ATP10B: variants seen among roughly 807,000 people sequenced by gnomAD.
ATP10B encodes phospholipid-transporting ATPase VB.
In ATP10B, 122 loss-of-function variants were observed where a neutral mutation model predicts 141.2. That is an observed-to-expected ratio of 0.86 (90% CI 0.75 to 1.00). The LOEUF (loss-of-function observed/expected upper bound fraction) is 1.00, where lower values mean the gene tolerates loss of function less well. ATP10B is among the 50% of genes least tolerant of loss of function. The pLI is 0.00. For missense variants in ATP10B, 1,876 were observed against 1,825.3 expected, an observed-to-expected ratio of 1.03 and a Z score of -0.51; for synonymous variants, 685 against 692.0, an observed-to-expected ratio of 0.99 and a Z score of 0.16.
chr5:160,894,858 T>C, the ATP10B span, among the ~76,000 whole-genome samples: 1 of 152,216 alleles, frequency 6.6e-6, no homozygotes. Flanking sequence ...TGGATCTCTC[T>C]GCAGAAAAAC....
chr5:160,860,035 A>G, the ATP10B span, among the ~76,000 whole-genome samples: 1 of 151,890 alleles, frequency 6.6e-6, no homozygotes, highest in Non-Finnish European at 1.5e-5. Flanking sequence ...ATTTCTAAAA[A>G]ATATAAAACA....
chr5:160,741,436 G>A (rs976784759), intron 2 of ATP10B, among the ~76,000 whole-genome samples: 5 of 152,102 alleles, frequency 3.3e-5, no homozygotes, highest in Admixed American at 6.6e-5. Context: ...AGTGACTTGC[G>A]TCCTAATCTT....
intron 1 of ATP10B, among the ~76,000 whole-genome samples, chr5:160,791,190 A>G (rs748157634): frequency 6.6e-6 from 1 of 152,186 alleles, no homozygotes; most frequent in Non-Finnish European, 1.5e-5. Context: ...AACTTTGCCA[A>G]CATCTTGATT....
the ATP10B span, among the ~76,000 whole-genome samples, chr5:160,914,730 G>A: frequency 6.6e-5 from 10 of 152,298 alleles, no homozygotes; most frequent in East Asian, 5.8e-4. Context: ...TACTAACTAC[G>A]CACCTGTTCA....
At chr5:160,770,204 C>T (rs1296172164) in intron 2 of ATP10B, among the ~76,000 whole-genome samples, 1 of 152,062 alleles carries the variant, frequency 6.6e-6, no homozygotes, top group Non-Finnish European at 1.5e-5. Flanking sequence ...TCTCTTCTCT[C>T]TCTCTCTGCC....
chr5:160,690,192 T>C (rs1399037966), intron 3 of ATP10B, among the ~76,000 whole-genome samples: 2 of 152,152 alleles, frequency 1.3e-5, no homozygotes, highest in African/African-American at 2.4e-5. Context: ...TTACACATTA[T>C]ACAAAAATTA....
At chr5:160,636,899 T>C (rs1759421964) in intron 10 of ATP10B, among the ~76,000 whole-genome samples, 5 of 150,784 alleles carry the variant, frequency 3.3e-5, no homozygotes, top group Admixed American at 3.3e-4. Context: ...CATCCTTCCA[T>C]TCATCCATTT....
intron 3 of ATP10B, among the ~76,000 whole-genome samples, chr5:160,704,465 C>T (rs902853529): frequency 4.6e-5 from 7 of 152,152 alleles, no homozygotes; most frequent in Non-Finnish European, 1.0e-4. Context: ...ATGTGCTATC[C>T]TCTAGGCTTT....
At chr5:160,778,820 G>A (rs1460105159) in intron 2 of ATP10B, among the ~76,000 whole-genome samples, 2 of 152,182 alleles carry the variant, frequency 1.3e-5, no homozygotes, top group East Asian at 1.9e-4. Flanking sequence ...AAGGCACAGT[G>A]GCAATAACAC....
At chr5:160,577,792 A>G (rs1046699776) in intron 24 of ATP10B, among the ~76,000 whole-genome samples, 1 of 151,346 alleles carries the variant, frequency 6.6e-6, no homozygotes, top group African/African-American at 2.4e-5. Context: ...GAGAACATAA[A>G]CTTTATGATT....
intron 1 of ATP10B, among the ~76,000 whole-genome samples, chr5:160,840,150 C>A (rs2127985743): frequency 6.6e-6 from 1 of 152,088 alleles, no homozygotes; most frequent in East Asian, 1.9e-4. Flanking sequence ...ATGAAAATCT[C>A]ATTTTTCATT....
chr5:160,898,309 AC>A, the ATP10B span, among the ~76,000 whole-genome samples: 2 of 152,356 alleles, frequency 1.3e-5, no homozygotes, highest in East Asian at 1.9e-4. Flanking sequence ...CAAGAAAAAA[AC>A]AACCCCCTCA....
intron 7 of ATP10B, among the ~76,000 whole-genome samples, chr5:160,660,956 G>T (rs967722119): frequency 6.6e-6 from 1 of 152,224 alleles, no homozygotes; most frequent in Non-Finnish European, 1.5e-5. Flanking sequence ...GGAGGCTGAG[G>T]TGGGCGGATC....
rs375324038 is a variant in ATP10B, at chr5:160,618,029, A to G, written c.2417-56T>C. On this transcript the variant is annotated intron_variant, in intron 15 of 25. Transcript: ENST00000327245. ...CACATACAAATGCTCAGGGATCCCC[A>G]TCCCCAATACCCTGGAATCTCCTGT... The G allele has an allele frequency of 3.1e-5, 41 of 1,336,536 alleles. No individual in the cohort carries two copies. The African/African-American group carries it at 3.5e-4, about 11-fold the overall frequency. 82.8% of individuals were successfully genotyped at this position (1,336,536 alleles called of 1,614,324 possible).
intron 18 of ATP10B, among the ~76,000 whole-genome samples, chr5:160,609,814 G>A (rs1301314149): frequency 6.6e-6 from 1 of 152,218 alleles, no homozygotes; most frequent in Non-Finnish European, 1.5e-5. Flanking sequence ...AGTTCTAGGA[G>A]TGTATGCTTA....
At chr5:160,629,957 TAGA>T (rs897157270) in intron 13 of ATP10B, among the ~76,000 whole-genome samples, 1 of 152,158 alleles carries the variant, frequency 6.6e-6, no homozygotes, top group African/African-American at 2.4e-5. Context: ...GAAAGAGACA[TAGA>T]AGGAGGTTTA....
intron 2 of ATP10B, among the ~76,000 whole-genome samples, chr5:160,782,248 G>A (rs1319670039): frequency 6.6e-6 from 1 of 152,086 alleles, no homozygotes; most frequent in Non-Finnish European, 1.5e-5. Context: ...ACCAGAACTG[G>A]CTCCTGCCCA....
chr5:160,752,020 G>A (rs1292257874), intron 2 of ATP10B, among the ~76,000 whole-genome samples: 1 of 152,126 alleles, frequency 6.6e-6, no homozygotes. Flanking sequence ...AAAGACGGCT[G>A]CGGCTGCTCA....
chr5:160,728,291 A>G (rs571436478), intron 2 of ATP10B, among the ~76,000 whole-genome samples: 9 of 152,292 alleles, frequency 5.9e-5, no homozygotes, highest in African/African-American at 2.2e-4. Context: ...AAATAGCCAC[A>G]GACATGTGTG....
Sources: gnomAD v4.1 joint callset for allele counts (sites outside exome capture counted in the v4.1 genomes callset) on GRCh38, gnomAD v4.1.1 for gene constraint, MANE v1.5 for transcripts, NCBI Gene and HGNC (gene_info 2026-07-23, HGNC 2026-07-21) for gene names.